GPSM2: variants seen among roughly 807,000 people sequenced by gnomAD.
GPSM2 encodes the protein G protein-signaling modulator 2.
A neutral mutation model predicts 78.4 loss-of-function variants in GPSM2; 58 were observed. That is an observed-to-expected ratio of 0.74 (90% CI 0.60 to 0.92). The LOEUF (loss-of-function observed/expected upper bound fraction) is 0.92, where lower values mean the gene tolerates loss of function less well. Ranked by LOEUF, GPSM2 falls within the 40% of genes least tolerant of loss-of-function variation. The pLI, the probability that GPSM2 is intolerant of heterozygous loss-of-function variation, is 0.00. For missense variants in GPSM2, 700 were observed against 815.5 expected (o/e 0.86, Z 1.73); for synonymous variants, 224 against 280.2 (o/e 0.80, Z 2.00).
Position 108,917,667 on chromosome 1 carries a change from A to ATAT in GPSM2, c.1264-946_1264-945insTAT, listed in dbSNP as rs1179153795. On this transcript the variant is annotated intron_variant, in intron 11 of 14. Transcript: ENST00000264126. The stretch of plus-strand genomic sequence containing the variant: ...ATATATATATATATATATATATATA[A>ATAT]ATGAGTTCTCACTATGTTGTCCAGG... 3.2e-4 allele frequency among the ~76,000 whole-genome samples: 16 copies of ATAT among 49,236 alleles called. 1 individual carries two copies. Among genetic ancestry groups the ATAT allele is most frequent in the Non-Finnish European group, 5.6e-4 (13 of 23,178 alleles). 32.3% of individuals were successfully genotyped at this position (49,236 alleles called of 152,430 possible).
Position 108,901,784 on chromosome 1 carries a change from T to C in GPSM2, c.798-6T>C. 1 of 1,604,092 alleles carries C rather than the reference T, an allele frequency of 6.2e-7. No homozygotes were observed. The highest frequency in any genetic ancestry group is 1.3e-5 in the African/African-American group (1 of 74,850). The stretch of plus-strand genomic sequence containing the variant: ...TCATTATATAAGAATTAATTTCTTC[T>C]TGTAGGAAGACACTACTGTTGGCCC... On this transcript the variant is annotated splice_polypyrimidine_tract_variant and splice_region_variant and intron_variant, in intron 7 of 14. Coordinates refer to ENST00000264126, the MANE Select transcript of GPSM2 (RefSeq NM_013296.5).
intron 7 of GPSM2, 100 bp downstream of exon 7, chr1:108,899,094 A>G: frequency 2.7e-6 from 2 of 742,942 alleles, no homozygotes; most frequent in Non-Finnish European, 4.8e-6. Flanking sequence ...AACTTTTGGC[A>G]TCTAAGCCTC....
chr1:108,880,655 T>C (rs1665849477), intron 1 of GPSM2, among the ~76,000 whole-genome samples: 1 of 152,124 alleles, frequency 6.6e-6, no homozygotes, highest in Non-Finnish European at 1.5e-5. Flanking sequence ...AAATTATGTA[T>C]ATGTATTAAT....
chr1:108,926,875 C>A (rs542932564), intron 14 of GPSM2: 1 of 151,602 alleles, frequency 6.6e-6, no homozygotes, highest in South Asian at 2.1e-4. Flanking sequence ...CTAGCTGGAG[C>A]AATTAGGCAA....
In GPSM2 at chr1:108,901,770, GAATT is replaced by G. The variant is rs1364573798; in HGVS notation, c.798-15_798-12del. ...CAAACTGAGAATGATCATTATATAA[GAATT>G]AATTTCTTCTTGTAGGAAGACACTA... On this transcript the variant is annotated splice_polypyrimidine_tract_variant and intron_variant, in intron 7 of 14. Coordinates refer to ENST00000264126, the MANE Select transcript of GPSM2 (RefSeq NM_013296.5). 1.3e-6 allele frequency: 2 copies of G among 1,587,136 alleles called. No individual in the cohort carries two copies. Among genetic ancestry groups the G allele is most frequent in the East Asian group, 2.2e-5 (1 of 44,726 alleles).
At chr1:108,881,142 A>C (rs1167201367) in intron 1 of GPSM2, among the ~76,000 whole-genome samples, 1 of 152,196 alleles carries the variant, frequency 6.6e-6, no homozygotes, top group Non-Finnish European at 1.5e-5. Context: ...TGATCTTTCT[A>C]TATGTCTCTG....
rs560838731 is a variant in GPSM2, at chr1:108,897,875, C to T, written c.415-84C>T. On this transcript the variant is annotated intron_variant, in intron 4 of 14. Coordinates refer to ENST00000264126, the MANE Select transcript of GPSM2 (RefSeq NM_013296.5). ...AATATAAAAATTTTTTTCCCTTGTCCGTAATACTAAGGATATTACAAATAT... is the reference window on the plus strand; with the variant it reads ...AATATAAAAATTTTTTTCCCTTGTCTGTAATACTAAGGATATTACAAATAT... The T allele has an allele frequency of 8.7e-5, 124 of 1,422,802 alleles. 1 individual carries two copies. Among genetic ancestry groups the T allele is most frequent in the South Asian group, 6.1e-4 (50 of 82,544 alleles). The allele number at this position is 1,422,802 out of a possible 1,614,324, so 88.1% of individuals were successfully genotyped here.
intron 10 of GPSM2, among the ~76,000 whole-genome samples, chr1:108,906,510 G>A (rs1008988456): frequency 1.3e-5 from 2 of 150,222 alleles, no homozygotes; most frequent in African/African-American, 4.9e-5. Flanking sequence ...CTCTTACTTC[G>A]ATTCTGCATC....
intron 2 of GPSM2, among the ~76,000 whole-genome samples, chr1:108,891,061 G>A (rs1017055347): frequency 1.3e-5 from 2 of 152,086 alleles, no homozygotes; most frequent in South Asian, 2.1e-4. Flanking sequence ...GAAGAGTAAC[G>A]ATCAGAGTAG....
At chr1:108,901,721 T>A in intron 7 of GPSM2, 69 bp from the exon 8 acceptor site, 1 of 1,201,592 alleles carries the variant, frequency 8.3e-7, no homozygotes, top group Non-Finnish European at 1.2e-6. Context: ...AAAATGAGAG[T>A]TTTGTTTTGT....
chr1:108,928,336 A>AGAGGAAGTCTAGGAACTAAGT (rs765746444), intron 14 of GPSM2, among the ~76,000 whole-genome samples: 2 of 152,258 alleles, frequency 1.3e-5, no homozygotes, highest in Non-Finnish European at 2.9e-5. Flanking sequence ...ACATTCAATC[A>AGAGGAAGTCTAGGAACTAAGT]GAGGAAGTCT....
At chr1:108,919,282 A>G (rs1481339449) in intron 12 of GPSM2, among the ~76,000 whole-genome samples, 1 of 152,200 alleles carries the variant, frequency 6.6e-6, no homozygotes, top group Non-Finnish European at 1.5e-5. Context: ...TGCTGGGATT[A>G]CAGGTGTGAG....
chr1:108,897,089 ATTAAT>A lies in GPSM2; in HGVS notation c.278+9_278+13del, dbSNP rs758020668. 2.6e-6 allele frequency: 4 copies of A among 1,568,468 alleles called. No individual in the cohort carries two copies. In the South Asian group the frequency reaches 3.3e-5, roughly 13 times the overall value. On this transcript the variant is annotated splice_donor_5th_base_variant and intron_variant, in intron 3 of 14. Coordinates refer to ENST00000264126, the MANE Select transcript of GPSM2 (RefSeq NM_013296.5). ...ATCATGATTTAACCCTTGCAAGGTA[ATTAAT>A]TTAAGCTTTTAAATATTCTTCCTTC... is the stretch of plus-strand genomic sequence containing the variant.
chr1:108,897,906 A>G lies in GPSM2; in HGVS notation c.415-53A>G, dbSNP rs1648496465. Reference sequence around the variant, plus strand: ...ACTAAGGATATTACAAATATATATGATAAACCTGACCTCTGTTTTCAAAAT... The same window carrying G: ...ACTAAGGATATTACAAATATATATGGTAAACCTGACCTCTGTTTTCAAAAT... On this transcript the variant is annotated intron_variant, in intron 4 of 14. Coordinates refer to ENST00000264126, the MANE Select transcript of GPSM2 (RefSeq NM_013296.5). The G allele has an allele frequency of 1.9e-6, 3 of 1,582,944 alleles. 1 individual carries two copies. In the South Asian group the frequency reaches 3.3e-5, roughly 18 times the overall value.
intron 1 of GPSM2, chr1:108,877,531 A>G (rs1242263359): frequency 1.4e-5 from 2 of 147,436 alleles, no homozygotes; most frequent in African/African-American, 2.5e-5. Context: ...TTTTTTTAAG[A>G]TAAAAACTAT....
rs202035320 is a variant in GPSM2, at chr1:108,897,507, G to T, written c.294G>T (p.Gln98His). 6.4e-5 allele frequency: 104 copies of T among 1,613,002 alleles called. No homozygotes were observed. Among genetic ancestry groups the T allele is most frequent in the Non-Finnish European group, 8.5e-5 (100 of 1,179,644 alleles). Residue 98 changes from glutamine (Q) to histidine (H), a missense_variant, in exon 4 of 15, where the codon CAG becomes CAT. Physicochemically the swap from Gln to His is conservative, Grantham distance 24. Transcript: ENST00000264126. Reference sequence around the variant, plus strand: ...TTTTTTTCAGGACTATTGGAGACCAGCTGGGGGAAGCGAAAGCTAGTGGTA... The same window carrying T: ...TTTTTTTCAGGACTATTGGAGACCATCTGGGGGAAGCGAAAGCTAGTGGTA... ...DLTLARTIGD[Q>H]LGEAKASGNL... is the part of the protein sequence containing the mutation.
At chr1:108,927,818 T>G (rs1651244408) in intron 14 of GPSM2, among the ~76,000 whole-genome samples, 1 of 151,946 alleles carries the variant, frequency 6.6e-6, no homozygotes, top group Non-Finnish European at 1.5e-5. Flanking sequence ...AAAAAATTTT[T>G]TTAAATTAAT....
chr1:108,910,586 C>A (rs577679953), intron 10 of GPSM2, among the ~76,000 whole-genome samples: 1 of 152,060 alleles, frequency 6.6e-6, no homozygotes. Context: ...AACGGGGAGC[C>A]GGGCGCAGTG....
chr1:108,887,737 T>C (rs372823956), intron 2 of GPSM2, among the ~76,000 whole-genome samples: 4 of 152,202 alleles, frequency 2.6e-5, no homozygotes, highest in Admixed American at 2.0e-4. Context: ...ATGCACCCAG[T>C]GACAGTCTGT....
Sources: gnomAD v4.1 joint callset for allele counts (sites outside exome capture counted in the v4.1 genomes callset) on GRCh38, gnomAD v4.1.1 for gene constraint, MANE v1.5 for transcripts, NCBI Gene and HGNC (gene_info 2026-07-23, HGNC 2026-07-21) for gene names.